The following PRKN variants were observed in gnomAD, a reference collection of about 807,000 sequenced individuals.
PRKN encodes parkin RBR E3 ubiquitin protein ligase, also known as E3 ubiquitin-protein ligase parkin.
A neutral mutation model predicts 59.5 loss-of-function variants in PRKN; 56 were observed. The ratio of observed to expected loss-of-function variants is 0.94; its 90% CI spans 0.76 to 1.18. PRKN has a LOEUF of 1.18. PRKN is among the 50% of genes most tolerant of loss of function. PRKN has a pLI of 0.00. For synonymous variants in PRKN, 250 were observed against 222.1 expected, an observed-to-expected ratio of 1.13 and a Z score of -1.12; for missense variants, 657 against 596.4, an observed-to-expected ratio of 1.10 and a Z score of -1.06.
intron 1 of PRKN, among the ~76,000 whole-genome samples, chr6:162,510,588 C>T (rs1403431689): frequency 6.6e-6 from 1 of 152,148 alleles, no homozygotes; most frequent in African/African-American, 2.4e-5. Flanking sequence ...CCTCTGTTCC[C>T]TTTTCAATGC....
chr6:162,087,668 A>G (rs1412015770), intron 4 of PRKN, among the ~76,000 whole-genome samples: 1 of 135,908 alleles, frequency 7.4e-6, no homozygotes, highest in Non-Finnish European at 1.5e-5. Flanking sequence ...ATCTCGGCTC[A>G]CTGCAAGCTC....
At chr6:162,365,880 A>G (rs984787158) in intron 2 of PRKN, among the ~76,000 whole-genome samples, 3 of 152,162 alleles carry the variant, frequency 2.0e-5, no homozygotes, top group Admixed American at 6.6e-5. Context: ...TATTAGAACA[A>G]TGTCTGCCAC....
intron 4 of PRKN, among the ~76,000 whole-genome samples, chr6:162,060,296 G>C (rs774712000): frequency 1.3e-4 from 20 of 152,302 alleles, no homozygotes; most frequent in Non-Finnish European, 2.2e-4. Flanking sequence ...CGGTGATAGA[G>C]AAGCAGCAAT....
chr6:161,785,058 C>A (rs1200688460), intron 7 of PRKN, among the ~76,000 whole-genome samples: 1 of 152,114 alleles, frequency 6.6e-6, no homozygotes, highest in East Asian at 1.9e-4. Context: ...CTACAATAGG[C>A]AAATCCATAG....
At chr6:161,843,836 C>T (rs1026795956) in intron 6 of PRKN, among the ~76,000 whole-genome samples, 3 of 152,104 alleles carry the variant, frequency 2.0e-5, no homozygotes, top group East Asian at 3.9e-4. Context: ...TTCCATAGTA[C>T]AGCTACGATC....
chr6:162,698,840 T>C (rs1778057991), intron 1 of PRKN, among the ~76,000 whole-genome samples: 1 of 152,122 alleles, frequency 6.6e-6, no homozygotes, highest in African/African-American at 2.4e-5. Context: ...TTATTTAAAT[T>C]TCACTACTGA....
intron 2 of PRKN, among the ~76,000 whole-genome samples, chr6:162,270,923 C>T (rs1780352746): frequency 6.6e-6 from 1 of 151,928 alleles, no homozygotes; most frequent in Non-Finnish European, 1.5e-5. Flanking sequence ...CTCGCTGCTG[C>T]CTCGAACTCC....
chr6:161,618,064 A>C (rs139233101), intron 7 of PRKN, among the ~76,000 whole-genome samples: 21 of 152,346 alleles, frequency 1.4e-4, no homozygotes, highest in African/African-American at 4.6e-4. Flanking sequence ...GGAATTATGT[A>C]TGATCATAAG....
In PRKN at chr6:162,552,321, C is replaced by T. The variant is rs780380316; in HGVS notation, c.8-108848G>A. ...GGGTTTTAGCAGGAAAGTGAAGGGA[C>T]CGATCTACGTTTTAATAAGAGTACC... On this transcript the variant is annotated intron_variant, in intron 1 of 11. Transcript: ENST00000366898. 7.0e-4 allele frequency among the ~76,000 whole-genome samples: 107 copies of T among 152,166 alleles called. 1 individual carries two copies. Among genetic ancestry groups the T allele is most frequent in the Non-Finnish European group, 9.9e-4 (67 of 68,016 alleles).
chr6:162,075,694 A>G (rs993244649), intron 4 of PRKN, among the ~76,000 whole-genome samples: 6 of 152,188 alleles, frequency 3.9e-5, no homozygotes, highest in African/African-American at 1.4e-4. Flanking sequence ...TGAAGTAAGA[A>G]GCTGGCTAGA....
chr6:162,468,907 AATAAT>A (rs1169355861), intron 1 of PRKN, among the ~76,000 whole-genome samples: 3 of 152,198 alleles, frequency 2.0e-5, no homozygotes, highest in African/African-American at 7.2e-5. Flanking sequence ...AAACAGAAGA[AATAAT>A]AAATCAGGAT....
chr6:162,573,980 A>G (rs1472817281), intron 1 of PRKN, among the ~76,000 whole-genome samples: 1 of 152,188 alleles, frequency 6.6e-6, no homozygotes, highest in Non-Finnish European at 1.5e-5. Flanking sequence ...GGGGAAGGAA[A>G]GAGTTTAAAA....
chr6:162,553,135 A>T (rs7771224), intron 1 of PRKN, among the ~76,000 whole-genome samples: 1 of 151,970 alleles, frequency 6.6e-6, no homozygotes, highest in African/African-American at 2.4e-5. Context: ...CTTACAACAC[A>T]ATGTGCATTG....
rs566032030 is a variant in PRKN at position 162,184,055 on chromosome 6, ATTTAATTTTC to A, written c.534+17066_534+17075del. On this transcript the variant is annotated intron_variant, in intron 4 of 11. Transcript: ENST00000366898. ...GGCCACTGTGGCTGATAATCTGACT[ATTTAATTTTC>A]TTTAATTTTAATTCATGAAAATTTA... 1.4e-4 allele frequency among the ~76,000 whole-genome samples: 21 copies of A among 152,280 alleles called. 2 individuals carry two copies. The South Asian group carries it at 4.4e-3, about 32-fold the overall frequency.
intron 6 of PRKN, among the ~76,000 whole-genome samples, chr6:161,862,161 G>A (rs940764304): frequency 6.6e-6 from 1 of 152,000 alleles, no homozygotes; most frequent in Non-Finnish European, 1.5e-5. Context: ...CTGCAAAGAC[G>A]CTTTTTCCAC....
At chr6:162,388,560 AAGCC>A (rs747389865) in intron 2 of PRKN, among the ~76,000 whole-genome samples, 3 of 152,126 alleles carry the variant, frequency 2.0e-5, no homozygotes, top group Non-Finnish European at 4.4e-5. Flanking sequence ...ACTGACTCCC[AAGCC>A]AAAGGTCTCT....
intron 1 of PRKN, among the ~76,000 whole-genome samples, chr6:162,554,203 C>T (rs1193917088): frequency 6.6e-6 from 1 of 152,102 alleles, no homozygotes; most frequent in Admixed American, 6.6e-5. Flanking sequence ...TAATGAGTTG[C>T]CAAGAAAACG....
chr6:161,949,210 C>T (rs1454909097), intron 6 of PRKN, among the ~76,000 whole-genome samples: 2 of 152,180 alleles, frequency 1.3e-5, no homozygotes, highest in African/African-American at 4.8e-5. Context: ...TCACTCTGTT[C>T]TCCTGACTTA....
At chr6:161,694,733 C>T (rs905854766) in intron 7 of PRKN, among the ~76,000 whole-genome samples, 2 of 152,090 alleles carry the variant, frequency 1.3e-5, no homozygotes, top group African/African-American at 4.8e-5. Flanking sequence ...TTCACCTGGA[C>T]CGTATGGGTG....
Sources: gnomAD v4.1 joint callset for allele counts (sites outside exome capture counted in the v4.1 genomes callset) on GRCh38, gnomAD v4.1.1 for gene constraint, MANE v1.5 for transcripts, NCBI Gene and HGNC (gene_info 2026-07-23, HGNC 2026-07-21) for gene names.